CTRB1: variants seen among roughly 807,000 people sequenced by gnomAD.
The protein encoded by CTRB1 is chymotrypsinogen B.
In CTRB1, 15 loss-of-function variants were observed where a neutral mutation model predicts 20.4. The ratio of observed to expected loss-of-function variants is 0.74; its 90% CI spans 0.49 to 1.13. The LOEUF (loss-of-function observed/expected upper bound fraction) is 1.13. CTRB1 is among the 50% of genes most tolerant of loss of function. The pLI, the probability that CTRB1 is intolerant of heterozygous loss-of-function variation, is 0.00. For synonymous variants in CTRB1, 92 were observed against 128.4 expected, an observed-to-expected ratio of 0.72 and a Z score of 1.92; for missense variants, 227 against 290.1, an observed-to-expected ratio of 0.78 and a Z score of 1.58.
chr16:75,219,341 C>A (rs1226783046), intron 1 of CTRB1, among the ~76,000 whole-genome samples: 1 of 151,790 alleles, frequency 6.6e-6, no homozygotes, highest in Non-Finnish European at 1.5e-5. Flanking sequence ...CCCAAGGCCT[C>A]CACCGGGGTT....
intron 1 of CTRB1, among the ~76,000 whole-genome samples, chr16:75,222,064 G>GAAAAAAAAAAAAAAAAAAAAAAAA (rs71158588): frequency 9.2e-6 from 1 of 108,606 alleles, no homozygotes; most frequent in Non-Finnish European, 1.8e-5. Context: ...GTCTCAAAAA[G>GAAAAAAAAAAAAAAAAAAAAAAAA]AAAAAAAAAA....
chr16:75,224,518 C>G (rs2076718660), intron 6 of CTRB1, among the ~76,000 whole-genome samples, 187 bp from the exon 7 acceptor site: 1 of 152,230 alleles, frequency 6.6e-6, no homozygotes, highest in Admixed American at 6.5e-5. Flanking sequence ...CCAGGGCTGG[C>G]TCAGGCTTCC....
At chr16:75,224,639 C>T (rs1179213091) in intron 6 of CTRB1, 66 bp from the exon 7 acceptor site, 27 of 1,520,416 alleles carry the variant, frequency 1.8e-5, no homozygotes, top group Non-Finnish European at 2.3e-5. Flanking sequence ...GGAACAATGT[C>T]CAGTGGCCCC....
At position 75,219,060 on chromosome 16, in the gene CTRB1, G is replaced by C. The variant is rs768116131; in HGVS notation, c.52+1G>C. On this transcript the variant is annotated splice_donor_variant, in intron 1 of 6. Transcript: ENST00000361017. LOFTEE classifies it high-confidence loss of function. ...TTCTCCCTTGTGGGGGCCGCCTTTGGTGAGTGCTGGTGCCCGAGGGGTCTG... is the reference window on the plus strand; with the variant it reads ...TTCTCCCTTGTGGGGGCCGCCTTTGCTGAGTGCTGGTGCCCGAGGGGTCTG... 28 of 1,586,928 alleles carry C rather than the reference G, an allele frequency of 1.8e-5. No homozygotes were observed. The South Asian group carries it at 3.0e-4, about 17-fold the overall frequency.
intron 1 of CTRB1, among the ~76,000 whole-genome samples, chr16:75,220,133 T>A (rs549523383): frequency 3.3e-4 from 47 of 143,632 alleles, no homozygotes; most frequent in Non-Finnish European, 5.4e-4. Context: ...ACAGGCACGC[T>A]AAGTTTAAAA....
chr16:75,219,170 C>T lies in CTRB1; in HGVS notation c.52+111C>T, dbSNP rs1597127236. On this transcript the variant is annotated intron_variant, in intron 1 of 6. Coordinates refer to ENST00000361017, the MANE Select transcript of CTRB1 (RefSeq NM_001906.6). ...GGGGCCTCATCCCCAGCACAGGTAACCTGAGGGCTCAGGAGAGGGTGCATT... is the reference window on the plus strand; with the variant it reads ...GGGGCCTCATCCCCAGCACAGGTAATCTGAGGGCTCAGGAGAGGGTGCATT... 2.6e-6 allele frequency: 3 copies of T among 1,164,336 alleles called. No homozygotes were observed. The East Asian group carries it at 7.8e-5, about 30-fold the overall frequency. The allele number at this position is 1,164,336 out of a possible 1,614,324, so 72.1% of individuals were successfully genotyped here. A position where few individuals can be genotyped will look rare whatever the true frequency, so the allele number is the denominator to read the frequency against.
At chr16:75,224,632 A>G (rs1362804723) in intron 6 of CTRB1, 73 bp from the exon 7 acceptor site, 2 of 1,495,672 alleles carry the variant, frequency 1.3e-6, no homozygotes, top group African/African-American at 2.8e-5. Context: ...GACTCTGGGA[A>G]CAATGTCCAG....
chr16:75,219,259 A>C (rs1463585168), intron 1 of CTRB1, among the ~76,000 whole-genome samples, 200 bp downstream of exon 1: 1 of 152,144 alleles, frequency 6.6e-6, no homozygotes, highest in Non-Finnish European at 1.5e-5. Flanking sequence ...GGTCTCTGCC[A>C]TGGTCTGAGG....
At chr16:75,219,125 A>G (rs1048996874) in intron 1 of CTRB1, 66 bp downstream of exon 1, 23 of 1,506,954 alleles carry the variant, frequency 1.5e-5, no homozygotes, top group Non-Finnish European at 2.0e-5. Flanking sequence ...GGGGGATCTG[A>G]GTCCCCTGCT....
chr16:75,223,478 A>G lies in CTRB1; in HGVS notation c.346A>G (p.Thr116Ala), dbSNP rs2076709949. Residue 116 changes from threonine (T) to alanine (A), a missense_variant, in exon 5 of 7, where the codon ACC becomes GCC. Physicochemically the swap from Thr to Ala is moderately conservative, Grantham distance 58. Transcript: ENST00000361017. ...VFKNPKFSIL[T>A]VNNDITLLKL... ...CAAGAACCCCAAGTTCAGCATTCTG[A>G]CCGTGAACAATGACATCACCCTGCT... The G allele has an allele frequency of 1.3e-6, 1 of 747,198 alleles. No homozygotes were observed. Among genetic ancestry groups the G allele is most frequent in the Non-Finnish European group, 2.1e-6 (1 of 483,392 alleles). 46.3% of individuals were successfully genotyped at this position (747,198 alleles called of 1,614,324 possible). A position where few individuals can be genotyped will look rare whatever the true frequency, so the allele number is the denominator to read the frequency against.
At chr16:75,221,257 C>T (rs150916799) in intron 1 of CTRB1, among the ~76,000 whole-genome samples, 314 of 152,334 alleles carry the variant, frequency 2.1e-3, no homozygotes, top group Admixed American at 5.9e-3. Context: ...CCTGACATAG[C>T]AGAGGCATGG....
At chr16:75,219,694 T>C (rs886232193) in intron 1 of CTRB1, among the ~76,000 whole-genome samples, 1 of 152,196 alleles carries the variant, frequency 6.6e-6, no homozygotes, top group Non-Finnish European at 1.5e-5. Context: ...GTGTTTTCTA[T>C]TTTTTAAAAG....
rs151169459 is a variant in CTRB1, at chr16:75,219,425, C to T, written c.52+366C>T. On this transcript the variant is annotated intron_variant, in intron 1 of 6. Coordinates refer to ENST00000361017, the MANE Select transcript of CTRB1 (RefSeq NM_001906.6). ...TTTTTTTTCGAGACAGAATTTCACTCCTATTGCCGAGGCTGGAGTGCAATG... is the reference window on the plus strand; with the variant it reads ...TTTTTTTTCGAGACAGAATTTCACTTCTATTGCCGAGGCTGGAGTGCAATG... Among the ~76,000 whole-genome samples, 22 of 151,662 alleles carry T rather than the reference C, an allele frequency of 1.5e-4. No individual in the cohort carries two copies. The East Asian group carries it at 1.7e-3, about 12-fold the overall frequency.
intron 1 of CTRB1, among the ~76,000 whole-genome samples, chr16:75,219,585 C>T (rs1481981019): frequency 3.3e-5 from 5 of 152,054 alleles, no homozygotes; most frequent in Admixed American, 1.3e-4. Flanking sequence ...GCTTTCACCA[C>T]GTTGGCCAGG....
In CTRB1 at chr16:75,222,992, C is replaced by T. The variant is rs550027858; in HGVS notation, c.180C>T (p.Cys60=). The T allele has an allele frequency of 1.8e-4, 184 of 1,026,410 alleles. 2 individuals are homozygous for T. The highest frequency in any genetic ancestry group is 1.4e-3 in the African/African-American group (86 of 60,524). The allele number at this position is 1,026,410 out of a possible 1,614,324, so 63.6% of individuals were successfully genotyped here. ...SLQDKTGFHF[C]GGSLISEDWV... ...AGGACAAAACCGGCTTCCACTTCTG[C>T]GGGGGCTCCCTCATCAGCGAGGACT... is the stretch of plus-strand genomic sequence containing the variant. Residue 60 remains cysteine (C), a synonymous_variant, in exon 3 of 7, where the codon TGC becomes TGT. Coordinates refer to ENST00000361017, the MANE Select transcript of CTRB1 (RefSeq NM_001906.6).
At chr16:75,221,107 G>T (rs1481025799) in intron 1 of CTRB1, among the ~76,000 whole-genome samples, 1 of 152,142 alleles carries the variant, frequency 6.6e-6, no homozygotes, top group Non-Finnish European at 1.5e-5. Flanking sequence ...GTGTTCCTGT[G>T]GGCAGGAGAC....
Position 75,222,869 on chromosome 16 carries a change from C to T in CTRB1, c.154C>T (p.Gln52Ter), listed in dbSNP as rs1567570389. 6.6e-7 allele frequency: 1 copy of T among 1,512,836 alleles called. No individual in the cohort carries two copies. The highest frequency in any genetic ancestry group is 2.0e-5 in the Admixed American group (1 of 49,356). The allele number at this position is 1,512,836 out of a possible 1,614,324, so 93.7% of individuals were successfully genotyped here. A position where few individuals can be genotyped will look rare whatever the true frequency, so the allele number is the denominator to read the frequency against. Residue 52 changes from glutamine to a stop codon, truncating the protein, a stop_gained and splice_region_variant, in exon 2 of 7, where the codon CAG (glutamine) becomes TAG (stop). Transcript: ENST00000361017. LOFTEE classifies it high-confidence loss of function. ...PGSWPWQVSL[Q>*]DKTGFHFCGG... is the part of the protein sequence containing the mutation. ...CTCCTGGCCCTGGCAGGTGTCCCTG[C>T]AGGTGAGGGGGTTCTGCAAGGTGGG...
chr16:75,221,528 T>A (rs1052510915), intron 1 of CTRB1, among the ~76,000 whole-genome samples: 2 of 151,936 alleles, frequency 1.3e-5, no homozygotes, highest in African/African-American at 4.8e-5. Context: ...CCCGGCTAAT[T>A]TTTGTATTTT....
At chr16:75,222,601 C>A (rs192609569) in intron 1 of CTRB1, 167 bp from the exon 2 acceptor site, 1 of 696,698 alleles carries the variant, frequency 1.4e-6, no homozygotes, top group Non-Finnish European at 2.3e-6. Flanking sequence ...GAGTTGGGAA[C>A]GTTTGAGCCT....
Sources: gnomAD v4.1 joint callset for allele counts (sites outside exome capture counted in the v4.1 genomes callset) on GRCh38, gnomAD v4.1.1 for gene constraint, MANE v1.5 for transcripts, NCBI Gene and HGNC (gene_info 2026-07-23, HGNC 2026-07-21) for gene names.